The following ERCC5 variants were observed in gnomAD, a reference collection of about 807,000 sequenced individuals.
The protein encoded by ERCC5 is ERCC excision repair 5, endonuclease, also known as DNA excision repair protein ERCC-5.
In ERCC5, 68 loss-of-function variants were observed where a neutral mutation model predicts 105.6. That is an observed-to-expected ratio of 0.64 (90% CI 0.53 to 0.79). The LOEUF is 0.79. ERCC5 is among the 30% of genes least tolerant of loss of function. ERCC5 has a pLI of 0.00. For missense variants in ERCC5, 1,373 were observed against 1,426.7 expected (o/e 0.96, Z 0.61); for synonymous variants, 546 against 526.2 (o/e 1.04, Z -0.51).
chr13:102,863,775 G>T (rs1291923006), intron 8 of ERCC5, among the ~76,000 whole-genome samples: 1 of 152,098 alleles, frequency 6.6e-6, no homozygotes, highest in Non-Finnish European at 1.5e-5. Context: ...ATGACCAGAG[G>T]GTGGGGACAG....
At chr13:102,868,369 A>G (rs1430167449) in intron 12 of ERCC5, 112 bp downstream of exon 12, 3 of 1,420,794 alleles carry the variant, frequency 2.1e-6, no homozygotes, top group Non-Finnish European at 2.9e-6. Context: ...ACAATGGTTC[A>G]CTGAGAAAGC....
At chr13:102,854,877 C>T (rs1314659067) in intron 4 of ERCC5, among the ~76,000 whole-genome samples, 2 of 152,206 alleles carry the variant, frequency 1.3e-5, no homozygotes, top group African/African-American at 2.4e-5. Flanking sequence ...TCTGTGGACT[C>T]CTCTTCCTCT....
chr13:102,866,244 T>G lies in ERCC5; in HGVS notation c.2200-18T>G. On this transcript the variant is annotated intron_variant, in intron 9 of 14. Coordinates refer to ENST00000652225, the MANE Select transcript of ERCC5 (RefSeq NM_000123.4). ...TGGATTATTAATATAAATCTATAAA[T>G]GAAAAAACATTTTATAGGAGGAGTT... 6.2e-7 allele frequency: 1 copy of G among 1,613,366 alleles called. No individual in the cohort carries two copies. Among genetic ancestry groups the G allele is most frequent in the Non-Finnish European group, 8.5e-7 (1 of 1,179,642 alleles).
In ERCC5 at chr13:102,870,692, C is replaced by T. The variant is rs576007254; in HGVS notation, c.2679-1506C>T. 7.9e-5 allele frequency among the ~76,000 whole-genome samples: 12 copies of T among 152,172 alleles called. No homozygotes were observed. In the South Asian group the frequency reaches 2.5e-3, roughly 32 times the overall value. On this transcript the variant is annotated intron_variant, in intron 12 of 14. Coordinates refer to ENST00000652225, the MANE Select transcript of ERCC5 (RefSeq NM_000123.4). ...AAGTAATGAAGAAAAATTATTTTTT[C>T]CTTTTTGCATTTTGTTGTTATAATA... is the stretch of plus-strand genomic sequence containing the variant.
rs778963190 is a variant in ERCC5 at position 102,875,512 on chromosome 13, A to G, written c.3170A>G (p.Lys1057Arg). ...LLDKAKGKTQ[K>R]RGITNTLEES... is the part of the protein sequence containing the mutation. ...GATAAGGCAAAAGGAAAAACCCAGA[A>G]GAGAGGCATAACAAATACCTTAGAA... The change falls in exon 15 of 15, where the codon AAG (lysine) becomes AGG (arginine). Residue 1057 changes from lysine to arginine, a missense_variant. Transcript: ENST00000652225. The G allele has an allele frequency of 5.0e-6, 8 of 1,614,154 alleles. No individual in the cohort carries two copies. Among genetic ancestry groups the G allele is most frequent in the Non-Finnish European group, 6.8e-6 (8 of 1,179,972 alleles).
intron 5 of ERCC5, 113 bp from the exon 6 acceptor site, chr13:102,858,162 G>A: frequency 6.8e-7 from 1 of 1,466,150 alleles, no homozygotes; most frequent in East Asian, 2.4e-5. Flanking sequence ...TTAGCCAATT[G>A]TTGATTATGT....
chr13:102,862,730 A>G lies in ERCC5; in HGVS notation c.1581A>G (p.Pro527=), dbSNP rs1882684018. The part of the protein sequence containing the change: ...PNGRELTPAS[P]TCTNSVSKNE... Reference sequence around the variant, plus strand: ...GAAGGGAACTGACACCGGCATCTCCAACTTGTACAAATTCTGTGTCAAAGA... The same window carrying G: ...GAAGGGAACTGACACCGGCATCTCCGACTTGTACAAATTCTGTGTCAAAGA... Residue 527 remains proline (P), a synonymous_variant, in exon 8 of 15, where the codon CCA becomes CCG. Transcript: ENST00000652225. 6.2e-7 allele frequency: 1 copy of G among 1,614,238 alleles called. No homozygotes were observed. The highest frequency in any genetic ancestry group is 8.5e-7 in the Non-Finnish European group (1 of 1,180,038).
chr13:102,867,138 G>A (rs899073414), intron 11 of ERCC5, among the ~76,000 whole-genome samples: 3 of 152,202 alleles, frequency 2.0e-5, no homozygotes, highest in African/African-American at 2.4e-5. Flanking sequence ...GAAGCAGGCC[G>A]CGCCTGGGCC....
chr13:102,846,447 A>G (rs1422372671), intron 1 of ERCC5, 93 bp downstream of exon 1: 1 of 1,133,138 alleles, frequency 8.8e-7, no homozygotes, highest in Admixed American at 1.8e-5. Flanking sequence ...CATCTGCAGG[A>G]TGATGGTCTT....
chr13:102,854,663 G>A (rs4150272), intron 4 of ERCC5, among the ~76,000 whole-genome samples: 1 of 152,190 alleles, frequency 6.6e-6, no homozygotes, highest in Non-Finnish European at 1.5e-5. Context: ...CTTACACTTT[G>A]CTTACACATG....
In ERCC5 at chr13:102,873,468, G is replaced by C. The variant is rs373321437; in HGVS notation, c.2964+125G>C. 3.4e-4 allele frequency: 371 copies of C among 1,091,886 alleles called. 4 individuals carry two copies. The African/African-American group carries it at 5.1e-3, about 15-fold the overall frequency. 67.6% of individuals were successfully genotyped at this position (1,091,886 alleles called of 1,614,324 possible). On this transcript the variant is annotated intron_variant, in intron 14 of 14. Transcript: ENST00000652225. Reference sequence around the variant, plus strand: ...GACATTTTGAAATTAGGATAATTTAGATGAGAGAATAGAAGAAAATAGAAA... The same window carrying C: ...GACATTTTGAAATTAGGATAATTTACATGAGAGAATAGAAGAAAATAGAAA...
intron 9 of ERCC5, 76 bp from the exon 10 acceptor site, chr13:102,866,186 C>T (rs1025400263): frequency 6.3e-7 from 1 of 1,597,594 alleles, no homozygotes; most frequent in Non-Finnish European, 8.6e-7. Flanking sequence ...TTCAGTCAGA[C>T]TAAATGCAGG....
chr13:102,851,461 A>G (rs1882200246), intron 1 of ERCC5, among the ~76,000 whole-genome samples: 1 of 151,924 alleles, frequency 6.6e-6, no homozygotes, highest in Admixed American at 6.6e-5. Context: ...TGCCCAGCCA[A>G]TTTTTGTATT....
chr13:102,846,063 T>A lies in ERCC5; in HGVS notation c.-204T>A, dbSNP rs1013428126. On this transcript the variant is annotated 5_prime_UTR_variant, in exon 1 of 15. Transcript: ENST00000652225. The stretch of plus-strand genomic sequence containing the variant: ...GGAGGCGGTGACAGCTGCTGAGACG[T>A]GTTGCAGCCAGAGTCTCTCCGCTTT... 20 of 585,796 alleles carry A rather than the reference T, an allele frequency of 3.4e-5. No individual in the cohort carries two copies. Among genetic ancestry groups the A allele is most frequent in the Non-Finnish European group, 4.6e-5 (15 of 328,088 alleles). 36.3% of individuals were successfully genotyped at this position (585,796 alleles called of 1,614,324 possible). A position where few individuals can be genotyped will look rare whatever the true frequency, so the allele number is the denominator to read the frequency against.
chr13:102,851,545 G>T (rs1595376306), intron 1 of ERCC5, among the ~76,000 whole-genome samples: 1 of 152,042 alleles, frequency 6.6e-6, no homozygotes, highest in Non-Finnish European at 1.5e-5. Context: ...CACCTGCCTC[G>T]GCCTCCCAAA....
In ERCC5 at chr13:102,866,653, A is replaced by T. The variant is rs745357807; in HGVS notation, c.2341A>T (p.Ile781Phe). Residue 781 changes from isoleucine to phenylalanine, a missense_variant, in exon 11 of 15, where the codon ATT (isoleucine) becomes TTT (phenylalanine). Transcript: ENST00000652225. ...ESQELLRLFG[I>F]PYIQAPMEAE... Reference sequence around the variant, plus strand: ...GCAGGAACTCCTGCGCCTGTTCGGCATTCCCTACATCCAGGCTCCCATGGA... The same window carrying T: ...GCAGGAACTCCTGCGCCTGTTCGGCTTTCCCTACATCCAGGCTCCCATGGA... The T allele has an allele frequency of 3.1e-6, 5 of 1,613,766 alleles. No individual in the cohort carries two copies. The highest frequency in any genetic ancestry group is 4.2e-6 in the Non-Finnish European group (5 of 1,179,972).
At chr13:102,866,115 A>C (rs899571086) in intron 9 of ERCC5, 147 bp from the exon 10 acceptor site, 1 of 1,453,168 alleles carries the variant, frequency 6.9e-7, no homozygotes, top group South Asian at 1.2e-5. Flanking sequence ...TAAAGATATT[A>C]CAGAGTCTTG....
chr13:102,869,042 C>T (rs887412142), intron 12 of ERCC5, among the ~76,000 whole-genome samples: 16 of 152,244 alleles, frequency 1.1e-4, no homozygotes, highest in Admixed American at 8.5e-4. Flanking sequence ...GTCACTATGT[C>T]GTGAGATGCT....
At chr13:102,851,441 C>G (rs4150258) in intron 1 of ERCC5, among the ~76,000 whole-genome samples, 2 of 151,766 alleles carry the variant, frequency 1.3e-5, no homozygotes, top group African/African-American at 4.8e-5. Flanking sequence ...ACTACAGGTG[C>G]GCACCACCAT....
Sources: allele counts gnomAD v4.1 joint callset (sites outside exome capture counted in the v4.1 genomes callset), GRCh38; gene constraint gnomAD v4.1.1; transcripts MANE v1.5; gene names NCBI Gene and HGNC (gene_info 2026-07-23, HGNC 2026-07-21).